NPAS3: variants seen among roughly 807,000 people sequenced by gnomAD.
NPAS3 encodes the protein neuronal PAS domain protein 3, also known as neuronal PAS domain-containing protein 3.
A neutral mutation model predicts 73.1 loss-of-function variants in NPAS3; 14 were observed. That is an observed-to-expected ratio of 0.19 (90% CI 0.13 to 0.30). The LOEUF is 0.30. Ranked by LOEUF, NPAS3 falls within the 10% of genes least tolerant of loss-of-function variation. The pLI, the probability that NPAS3 is intolerant of heterozygous loss-of-function variation, is 1.00. For synonymous variants in NPAS3, 620 were observed against 541.5 expected, an observed-to-expected ratio of 1.14 and a Z score of -2.01; for missense variants, 1,096 against 1,250.0, an observed-to-expected ratio of 0.88 and a Z score of 1.86.
chr14:33,692,836 TAAAA>T (rs34684535), intron 6 of NPAS3, among the ~76,000 whole-genome samples: 10,840 of 63,666 alleles, frequency 0.17, 775 homozygotes, highest in Middle Eastern at 0.26. Context: ...CCCAATGTCT[TAAAA>T]AAAAAAAAAA....
chr14:33,088,839 C>T (rs139373567), intron 2 of NPAS3, among the ~76,000 whole-genome samples: 1,569 of 152,294 alleles, frequency 0.01, 26 homozygotes, highest in African/African-American at 0.036. Context: ...TCCAGAGGAA[C>T]CATCAGGCAG....
At chr14:33,439,488 T>G (rs1392786075) in intron 4 of NPAS3, among the ~76,000 whole-genome samples, 1 of 152,224 alleles carries the variant, frequency 6.6e-6, no homozygotes, top group Non-Finnish European at 1.5e-5. Context: ...CCTACGTTCC[T>G]CAGAGCCGAG....
At chr14:33,582,843 A>G (rs1029987651) in intron 5 of NPAS3, among the ~76,000 whole-genome samples, 24 of 152,242 alleles carry the variant, frequency 1.6e-4, no homozygotes, top group Admixed American at 6.5e-4. Context: ...GTTCTATCGA[A>G]TAAGCACACA....
chr14:33,453,155 G>A (rs964241664), intron 4 of NPAS3, among the ~76,000 whole-genome samples: 4 of 152,112 alleles, frequency 2.6e-5, no homozygotes, highest in African/African-American at 4.8e-5. Flanking sequence ...CCAAGCCCCC[G>A]CTGCTCAGTG....
intron 5 of NPAS3, among the ~76,000 whole-genome samples, chr14:33,666,943 GC>G (rs2059467647): frequency 1.3e-5 from 2 of 152,178 alleles, no homozygotes; most frequent in South Asian, 4.2e-4. Context: ...TGCTTCTAGA[GC>G]ATCACTGTTC....
In NPAS3 at chr14:33,784,755, T is replaced by TTATTTA. The variant is rs60201355; in HGVS notation, c.1153+6184_1153+6185insATTTAT. Among the ~76,000 whole-genome samples, 448 of 125,070 alleles carry TTATTTA rather than the reference T, an allele frequency of 3.6e-3. 2 individuals are homozygous for TTATTTA. The highest frequency in any genetic ancestry group is 0.011 in the South Asian group (39 of 3,648). The allele number at this position is 125,070 out of a possible 152,430, so 82.1% of individuals were successfully genotyped here. A position where few individuals can be genotyped will look rare whatever the true frequency, so the allele number is the denominator to read the frequency against. On this transcript the variant is annotated intron_variant, in intron 9 of 11. Coordinates refer to ENST00000356141, the Ensembl canonical transcript of NPAS3. ...TTTATTTATTTATTTATTTTTTTTT[T>TTATTTA]TTTTTTTTTTTTGAGACAGAGTTTC... is the stretch of plus-strand genomic sequence containing the variant.
At chr14:33,678,992 T>C (rs143452985) in intron 6 of NPAS3, among the ~76,000 whole-genome samples, 70 of 152,278 alleles carry the variant, frequency 4.6e-4, no homozygotes, top group African/African-American at 1.6e-3. Flanking sequence ...CTGTTAACTC[T>C]CTCCTTTAAA....
At chr14:32,950,543 T>C (rs2036441342) in intron 1 of NPAS3, among the ~76,000 whole-genome samples, 1 of 152,128 alleles carries the variant, frequency 6.6e-6, no homozygotes, top group Non-Finnish European at 1.5e-5. Context: ...GGGAAGCTTA[T>C]AACTATAAAA....
At chr14:33,301,460 G>T (rs1407214482) in intron 3 of NPAS3, among the ~76,000 whole-genome samples, 2 of 151,548 alleles carry the variant, frequency 1.3e-5, no homozygotes, top group African/African-American at 4.9e-5. Flanking sequence ...AAGAAAGTTT[G>T]TAAAACTCAA....
chr14:33,588,581 A>T (rs2056950305), intron 5 of NPAS3, among the ~76,000 whole-genome samples: 3 of 152,144 alleles, frequency 2.0e-5, no homozygotes, highest in Non-Finnish European at 4.4e-5. Context: ...GAAAGCTATG[A>T]AAGATTCTTC....
chr14:33,737,070 A>G (rs910349702), intron 7 of NPAS3, among the ~76,000 whole-genome samples: 1 of 152,190 alleles, frequency 6.6e-6, no homozygotes, highest in Non-Finnish European at 1.5e-5. Flanking sequence ...TAGCATTCTC[A>G]ATGTCACACG....
At chr14:33,103,007 A>G (rs1436314104) in intron 2 of NPAS3, among the ~76,000 whole-genome samples, 3 of 152,178 alleles carry the variant, frequency 2.0e-5, no homozygotes, top group Non-Finnish European at 4.4e-5. Flanking sequence ...TTATTTGCAG[A>G]TGGGCATGGT....
intron 5 of NPAS3, among the ~76,000 whole-genome samples, chr14:33,652,976 G>T (rs1026906351): frequency 2.0e-5 from 3 of 152,216 alleles, no homozygotes; most frequent in African/African-American, 7.2e-5. Flanking sequence ...GGTGTGAAAA[G>T]CTGTTTTAAT....
intron 1 of NPAS3, among the ~76,000 whole-genome samples, chr14:32,977,422 A>G (rs1489393373): frequency 2.0e-5 from 3 of 151,930 alleles, no homozygotes; most frequent in Non-Finnish European, 4.4e-5. Flanking sequence ...ATAAAGGAGA[A>G]AAAGCACATG....
At chr14:33,524,869 G>A (rs187252194) in intron 4 of NPAS3, among the ~76,000 whole-genome samples, 1 of 152,236 alleles carries the variant, frequency 6.6e-6, no homozygotes, top group African/African-American at 2.4e-5. Context: ...CATTCACCGT[G>A]TGTGTCCAAA....
At chr14:33,539,271 G>A (rs1202489898) in intron 4 of NPAS3, among the ~76,000 whole-genome samples, 1 of 152,070 alleles carries the variant, frequency 6.6e-6, no homozygotes, top group East Asian at 1.9e-4. Flanking sequence ...GAAGTGGAGG[G>A]CAGGGGTTCA....
chr14:33,537,056 C>T (rs889956358), intron 4 of NPAS3, among the ~76,000 whole-genome samples: 10 of 151,352 alleles, frequency 6.6e-5, no homozygotes, highest in African/African-American at 2.4e-4. Flanking sequence ...TACGAAAAAA[C>T]AACAAAATCC....
At chr14:33,631,847 G>A (rs2140139663) in intron 5 of NPAS3, among the ~76,000 whole-genome samples, 1 of 152,284 alleles carries the variant, frequency 6.6e-6, no homozygotes, top group Middle Eastern at 3.4e-3. Flanking sequence ...ACAAGCTAAG[G>A]GAAGGCTCAG....
intron 2 of NPAS3, among the ~76,000 whole-genome samples, chr14:33,148,332 G>A (rs1282390095): frequency 6.6e-6 from 1 of 152,014 alleles, no homozygotes; most frequent in East Asian, 1.9e-4. Context: ...ACATCACATA[G>A]TCATTCATAT....
Sources: allele counts gnomAD v4.1 joint callset (sites outside exome capture counted in the v4.1 genomes callset), GRCh38; gene constraint gnomAD v4.1.1; transcripts MANE v1.5; gene names NCBI Gene and HGNC (gene_info 2026-07-23, HGNC 2026-07-21).